Variants in FAM178B observed in about 807,000 individuals in gnomAD.
FAM178B encodes the protein family with sequence similarity 178 member B, also known as protein FAM178B.
A neutral mutation model predicts 91.7 loss-of-function variants in FAM178B; 82 were observed. The ratio of observed to expected loss-of-function variants is 0.89; its 90% CI spans 0.75 to 1.07. The LOEUF is 1.07. Ranked by LOEUF, FAM178B falls within the 50% of genes least tolerant of loss-of-function variation. The pLI is 0.00. For synonymous variants in FAM178B, 368 were observed against 359.4 expected (o/e 1.02, Z -0.27); for missense variants, 769 against 846.7 (o/e 0.91, Z 1.14).
At chr2:96,933,735 A>C (rs1379078272) in intron 8 of FAM178B, among the ~76,000 whole-genome samples, 1 of 152,150 alleles carries the variant, frequency 6.6e-6, no homozygotes, top group Non-Finnish European at 1.5e-5. Flanking sequence ...GCCAAGCAGC[A>C]CCATCTGCCT....
intron 12 of FAM178B, among the ~76,000 whole-genome samples, chr2:96,906,060 G>A (rs1466406323): frequency 2.7e-5 from 4 of 145,680 alleles, no homozygotes; most frequent in Non-Finnish European, 6.0e-5. Flanking sequence ...TAGTAGAGAC[G>A]GGGTTTCTCC....
chr2:96,965,531 C>A (rs1245631155), intron 5 of FAM178B, among the ~76,000 whole-genome samples: 1 of 151,904 alleles, frequency 6.6e-6, no homozygotes, highest in Non-Finnish European at 1.5e-5. Context: ...GGTGTGATCA[C>A]AGCTCACTGC....
chr2:96,877,849 T>C (rs944661271), intron 16 of FAM178B, 41 bp downstream of exon 16: 1 of 1,596,396 alleles, frequency 6.3e-7, no homozygotes. Context: ...GCCTGACCAC[T>C]TCCCGCCCCT....
rs1015721626 is a variant in FAM178B, at chr2:96,921,161, G to A, written c.1562+4C>T. 6.5e-6 allele frequency: 10 copies of A among 1,547,944 alleles called. No individual in the cohort carries two copies. The Admixed American group carries it at 1.2e-4, about 18-fold the overall frequency. On this transcript the variant is annotated splice_donor_region_variant and intron_variant, in intron 12 of 16. Transcript: ENST00000490605. ...GGAGGAGGCAGCGGGGGAGCAGCACGCACCTGCTCCGGGAGGTCATGTCTG... is the reference window on the plus strand; with the variant it reads ...GGAGGAGGCAGCGGGGGAGCAGCACACACCTGCTCCGGGAGGTCATGTCTG...
At chr2:96,941,836 C>A (rs1460356247) in intron 8 of FAM178B, among the ~76,000 whole-genome samples, 1 of 152,204 alleles carries the variant, frequency 6.6e-6, no homozygotes, top group Non-Finnish European at 1.5e-5. Context: ...AGCTCCTTTT[C>A]CGAAGACATT....
At chr2:96,913,112 C>A (rs1440230458) in intron 12 of FAM178B, among the ~76,000 whole-genome samples, 1 of 152,190 alleles carries the variant, frequency 6.6e-6, no homozygotes, top group Non-Finnish European at 1.5e-5. Flanking sequence ...GGGATGACTG[C>A]AGAAGGTTTT....
chr2:96,972,021 ACCAG>A lies in FAM178B; in HGVS notation c.440_443del (p.Ala147ValfsTer33). ...CCTGCTCCAACTCCTCGGGCAGCTC[ACCAG>A]CCAGTCTCCTCAGGCCCTGGGGGCC... is the stretch of plus-strand genomic sequence containing the variant. On this transcript the variant is annotated frameshift_variant, in exon 3 of 17. Coordinates refer to ENST00000490605, the MANE Select transcript of FAM178B (RefSeq NM_001122646.3). LOFTEE classifies it high-confidence loss of function. The A allele has an allele frequency of 6.5e-7, 1 of 1,547,250 alleles. No homozygotes were observed. The highest frequency in any genetic ancestry group is 8.7e-7 in the Non-Finnish European group (1 of 1,145,868).
At chr2:96,978,974 C>CTCTTT (rs1365362614) in intron 1 of FAM178B, among the ~76,000 whole-genome samples, 2 of 56,772 alleles carry the variant, frequency 3.5e-5, no homozygotes, top group African/African-American at 5.1e-5. Context: ...GTATGTATCA[C>CTCTTT]TTTTTTTTTT....
Position 96,973,074 on chromosome 2 carries a change from C to T in FAM178B, c.74-468G>A, listed in dbSNP as rs375211086. 8.5e-4 allele frequency among the ~76,000 whole-genome samples: 128 copies of T among 151,370 alleles called. 1 individual carries two copies. In the South Asian group the frequency reaches 0.026, roughly 31 times the overall value. The stretch of plus-strand genomic sequence containing the variant: ...AATAAAAAAAATTAGCCGGGCGTGG[C>T]GGCGTGTGCCTTAGTCTCAGCTACT... On this transcript the variant is annotated intron_variant, in intron 1 of 16. Transcript: ENST00000490605.
intron 14 of FAM178B, among the ~76,000 whole-genome samples, chr2:96,892,811 GGACT>G (rs1027492238): frequency 6.6e-6 from 1 of 152,132 alleles, no homozygotes; most frequent in African/African-American, 2.4e-5. Context: ...GACCACCCCA[GGACT>G]GACCCCCACC....
At chr2:96,905,818 GTATATATATATATATATATA>G (rs1226987241) in intron 12 of FAM178B, among the ~76,000 whole-genome samples, 12 of 34,198 alleles carry the variant, frequency 3.5e-4, no homozygotes, top group East Asian at 3.0e-3. Context: ...ATATATGTGT[GTATATATATATATATATATA>G]TATATATATA....
rs567327695 is a variant in FAM178B, at chr2:96,969,209, G to C, written c.626+1507C>G. Among the ~76,000 whole-genome samples, 14 of 152,312 alleles carry C rather than the reference G, an allele frequency of 9.2e-5. No individual in the cohort carries two copies. In the South Asian group the frequency reaches 2.9e-3, roughly 32 times the overall value. ...CATGGTGCAGCACACAGCGTCCTAT[G>C]GACTAAATGTCTGTGTCTTCCCAGA... On this transcript the variant is annotated intron_variant, in intron 4 of 16. Transcript: ENST00000490605.
At chr2:96,906,927 C>T (rs915464410) in intron 12 of FAM178B, among the ~76,000 whole-genome samples, 7 of 152,274 alleles carry the variant, frequency 4.6e-5, no homozygotes, top group East Asian at 1.9e-4. Flanking sequence ...CGCGGGAGCT[C>T]GTTTACTCGT....
intron 6 of FAM178B, among the ~76,000 whole-genome samples, chr2:96,955,912 C>T (rs935587931): frequency 4.6e-5 from 7 of 152,182 alleles, no homozygotes; most frequent in South Asian, 4.1e-4. Context: ...GCGGGGCTGC[C>T]GGGCCTCCGG....
chr2:96,964,309 C>A (rs1332259892), intron 5 of FAM178B, among the ~76,000 whole-genome samples: 1 of 152,114 alleles, frequency 6.6e-6, no homozygotes, highest in Non-Finnish European at 1.5e-5. Flanking sequence ...CAGGCCACAT[C>A]CCTCCACCAG....
At position 96,960,174 on chromosome 2, in the gene FAM178B, G is replaced by C. The variant is rs2082059011; in HGVS notation, c.887+114C>G. On this transcript the variant is annotated intron_variant, in intron 6 of 16. Coordinates refer to ENST00000490605, the MANE Select transcript of FAM178B (RefSeq NM_001122646.3). ...TCTAAAAACTGACACATTCAAATTGGCCTGATCACCTCTTCGAACTTCCCC... is the reference window on the plus strand; with the variant it reads ...TCTAAAAACTGACACATTCAAATTGCCCTGATCACCTCTTCGAACTTCCCC... 6 of 1,129,050 alleles carry C rather than the reference G, an allele frequency of 5.3e-6. No individual in the cohort carries two copies. In the African/African-American group the frequency reaches 7.9e-5, roughly 15 times the overall value. 69.9% of individuals were successfully genotyped at this position (1,129,050 alleles called of 1,614,324 possible).
chr2:96,936,185 CTTTTT>C (rs1040098438), intron 8 of FAM178B, among the ~76,000 whole-genome samples: 4 of 151,710 alleles, frequency 2.6e-5, no homozygotes, highest in Admixed American at 2.0e-4. Context: ...AAGTATTCTT[CTTTTT>C]ATTTATTTAT....
chr2:96,942,531 T>C (rs766870940), intron 8 of FAM178B, among the ~76,000 whole-genome samples: 14 of 152,194 alleles, frequency 9.2e-5, no homozygotes, highest in Admixed American at 1.3e-4. Context: ...TAGCTGGGAT[T>C]ACAGGTGCCT....
Position 96,933,252 on chromosome 2 carries a change from T to TA in FAM178B, c.1079-3933dup, listed in dbSNP as rs879637422. 4.0e-3 allele frequency among the ~76,000 whole-genome samples: 588 copies of TA among 145,298 alleles called. 1 individual carries two copies. Among genetic ancestry groups the TA allele is most frequent in the African/African-American group, 7.1e-3 (282 of 39,620 alleles). On this transcript the variant is annotated intron_variant, in intron 8 of 16. Coordinates refer to ENST00000490605, the MANE Select transcript of FAM178B (RefSeq NM_001122646.3). Reference sequence around the variant, plus strand: ...AGCGAGACTCCGTTTCATAAAAAAATAAAAAAAAAAATTAAAAAAATTTGC... The same window carrying TA: ...AGCGAGACTCCGTTTCATAAAAAAATAAAAAAAAAAAATTAAAAAAATTTGC...
Sources: allele counts gnomAD v4.1 joint callset (sites outside exome capture counted in the v4.1 genomes callset), GRCh38; gene constraint gnomAD v4.1.1; transcripts MANE v1.5; gene names NCBI Gene and HGNC (gene_info 2026-07-23, HGNC 2026-07-21).